Variants in GNL3 observed in about 807,000 individuals in gnomAD.
GNL3 encodes guanine nucleotide-binding protein-like 3.
Under a neutral mutation model 70.6 loss-of-function variants are expected in GNL3, and 77 were observed. That is an observed-to-expected ratio of 1.09 (90% confidence interval 0.91 to 1.32). GNL3 has a LOEUF of 1.32. Among genes scored for constraint, GNL3 ranks in the 40% most tolerant of loss-of-function variants. The probability of loss-of-function intolerance (pLI) is 0.00; values close to 1 mark genes in which losing one functional copy is unlikely to be tolerated. For synonymous variants in GNL3, 252 were observed against 216.1 expected (o/e 1.17, Z -1.46); for missense variants, 634 against 644.0 (o/e 0.98, Z 0.17).
Position 52,691,615 on chromosome 3 carries a change from C to CATGGGGCTT in GNL3, c.857_865dup (p.Met286_Leu288dup), listed in dbSNP as rs780595587. 1.3e-6 allele frequency: 2 copies of CATGGGGCTT among 1,567,822 alleles called. No individual in the cohort carries two copies. The highest frequency in any genetic ancestry group is 1.8e-6 in the Non-Finnish European group (2 of 1,138,180). The stretch of plus-strand genomic sequence containing the variant: ...AACAGATGTGTAATGTTGGTGTATC[C>CATGGGGCTT]ATGGGGCTTACAAGGTAAATGGAGG... On this transcript the variant is annotated inframe_insertion, in exon 9 of 15. Transcript: ENST00000418458.
At chr3:52,686,012 T>C (rs1436207401), upstream of GNL3, 5 of 798,508 alleles carry the variant, frequency 6.3e-6, no homozygotes, top group Non-Finnish European at 9.2e-6. Context: ...CGTAAGTGCG[T>C]GACGCTCGTC....
rs774245715 is a variant in GNL3, at chr3:52,688,140, C to A, written c.356C>A (p.Ala119Asp). 1.2e-6 allele frequency: 2 copies of A among 1,611,320 alleles called. No homozygotes were observed. The highest frequency in any genetic ancestry group is 2.2e-5 in the East Asian group (1 of 44,864). ...GGGCTTTGCAAAACTGAGAACAAAGCCAAGTCGGGCAAACAGAATTCAAAG... is the reference window on the plus strand; with the variant it reads ...GGGCTTTGCAAAACTGAGAACAAAGACAAGTCGGGCAAACAGAATTCAAAG... ...EFGLCKTENK[A>D]KSGKQNSKKL... The change falls in exon 5 of 15, where the codon GCC becomes GAC. Residue 119 changes from alanine (A) to aspartate (D), a missense_variant. Transcript: ENST00000418458.
At chr3:52,685,945 G>C (rs1287299280), upstream of GNL3, 2 of 718,238 alleles carry the variant, frequency 2.8e-6, no homozygotes, top group Non-Finnish European at 5.1e-6. Context: ...TCCCTGCTCC[G>C]CGCGACACTG....
intron 2 of GNL3, 181 bp downstream of exon 2, chr3:52,687,008 GTGA>G: frequency 1.6e-6 from 1 of 629,818 alleles, no homozygotes; most frequent in Non-Finnish European, 2.8e-6. Context: ...CAGTGATTTG[GTGA>G]TAAGTCTCTA....
At chr3:52,691,702 A>ATTTTTTT (rs34449110) in intron 9 of GNL3, 73 bp downstream of exon 9, 7 of 559,304 alleles carry the variant, frequency 1.3e-5, no homozygotes, top group Non-Finnish European at 2.2e-5. Context: ...AAGGAAGGTG[A>ATTTTTTT]TTTTTTTTTT....
chr3:52,688,251 T>A (rs1578573334), intron 5 of GNL3, 59 bp downstream of exon 5: 1 of 183,888 alleles, frequency 5.4e-6, no homozygotes, highest in South Asian at 3.8e-5. Context: ...ACTCAAGTCA[T>A]TTTTTTTTTA....
intron 9 of GNL3, 135 bp downstream of exon 9, chr3:52,691,764 G>A (rs1295807038): frequency 9.9e-6 from 6 of 608,676 alleles, no homozygotes; most frequent in African/African-American, 3.9e-5. Flanking sequence ...GGGCAATGGC[G>A]CAATCTCGGC....
chr3:52,690,484 T>G, intron 6 of GNL3, 108 bp from the exon 7 acceptor site: 1 of 672,532 alleles, frequency 1.5e-6, no homozygotes, highest in South Asian at 1.6e-5. Flanking sequence ...AGGATGGTCT[T>G]GATCTCCTGA....
chr3:52,686,396 C>G (rs994880341), intron 1 of GNL3: 15 of 582,730 alleles, frequency 2.6e-5, no homozygotes, highest in Non-Finnish European at 9.2e-6. Flanking sequence ...CCAATATTTT[C>G]TTTCCGTGGC....
At chr3:52,689,234 CTG>C in intron 6 of GNL3, 28 bp downstream of exon 6, 1 of 1,597,032 alleles carries the variant, frequency 6.3e-7, no homozygotes, top group Non-Finnish European at 8.6e-7. Flanking sequence ...CCTTTGTCTT[CTG>C]TGTACATGGG....
At position 52,687,572 on chromosome 3, in the gene GNL3, CT is replaced by C; in HGVS notation, c.282del (p.Asn95IlefsTer43). 6.2e-7 allele frequency: 1 copy of C among 1,611,766 alleles called. No homozygotes were observed. Among genetic ancestry groups the C allele is most frequent in the Non-Finnish European group, 8.5e-7 (1 of 1,177,804 alleles). Reference protein sequence around the residue: ...KELEKKRKLETNPDIKPSNVE... With the variant: ...KELEKKRKLEXNPDIKPSNVE... ...CTAGAAAAGAAAAGAAAACTTGAAA[CT>C]AATCCTGATATTAAGCCATCAAATG... is the stretch of plus-strand genomic sequence containing the variant. On this transcript the variant is annotated frameshift_variant, in exon 4 of 15. Transcript: ENST00000418458. LOFTEE classifies it high-confidence loss of function.
chr3:52,688,801 A>G (rs991346995), intron 5 of GNL3: 2 of 446,250 alleles, frequency 4.5e-6, no homozygotes, highest in Admixed American at 3.6e-5. Flanking sequence ...ATAATTCACT[A>G]TGGGAGGATT....
chr3:52,688,493 T>C (rs2097324364), intron 5 of GNL3, among the ~76,000 whole-genome samples: 2 of 152,176 alleles, frequency 1.3e-5, no homozygotes. Flanking sequence ...ACGGAAATAG[T>C]TTCTTTGGTT....
intron 1 of GNL3, 141 bp from the exon 2 acceptor site, chr3:52,686,628 G>T: frequency 1.5e-6 from 1 of 649,186 alleles, no homozygotes; most frequent in Non-Finnish European, 2.7e-6. Flanking sequence ...AAAGTAGCAC[G>T]TATGTTTGCA....
At chr3:52,689,285 G>A in intron 6 of GNL3, 79 bp downstream of exon 6, 1 of 1,301,918 alleles carries the variant, frequency 7.7e-7, no homozygotes, top group Non-Finnish European at 1.1e-6. Flanking sequence ...ACTGAAGACT[G>A]ATTAGATCCA....
In GNL3 at chr3:52,692,940, C is replaced by T; in HGVS notation, c.938C>T (p.Pro313Leu). 2.5e-6 allele frequency: 4 copies of T among 1,613,266 alleles called. No individual in the cohort carries two copies. The highest frequency in any genetic ancestry group is 3.4e-6 in the Non-Finnish European group (4 of 1,179,224). The change falls in exon 10 of 15, where the codon CCA (proline) becomes CTA (leucine). Residue 313 changes from proline to leucine, a missense_variant. Pro to Leu is a moderately conservative substitution (Grantham distance 98, BLOSUM62 -3). Transcript: ENST00000418458. ...IIDSPSFIVS[P>L]LNSSSALALR... Reference sequence around the variant, plus strand: ...GATAGTCCGAGCTTCATCGTATCTCCACTTAATTCCTCCTCTGCGCTTGCT... The same window carrying T: ...GATAGTCCGAGCTTCATCGTATCTCTACTTAATTCCTCCTCTGCGCTTGCT...
chr3:52,694,069 GAC>G lies in GNL3; in HGVS notation c.1535_1536del (p.Thr512ArgfsTer6). 6.2e-7 allele frequency: 1 copy of G among 1,614,018 alleles called. No homozygotes were observed. The highest frequency in any genetic ancestry group is 8.5e-7 in the Non-Finnish European group (1 of 1,179,870). ...GCTCAGGCATGTTTGCTGCAGAAGA[GAC>G]AGGGGAGGCACTGTCTGAGGAGACT... ...NSSGMFAAEETGEALSEETTA... is the reference protein window; with the variant it reads ...NSSGMFAAEEXGEALSEETTA... On this transcript the variant is annotated frameshift_variant, in exon 14 of 15. Coordinates refer to ENST00000418458, the MANE Select transcript of GNL3 (RefSeq NM_014366.5). LOFTEE classifies it low-confidence loss of function (END_TRUNC).
chr3:52,691,945 C>T (rs13076193), intron 9 of GNL3, among the ~76,000 whole-genome samples: 173 of 152,054 alleles, frequency 1.1e-3, no homozygotes, highest in African/African-American at 3.8e-3. Flanking sequence ...AGCTGATCTG[C>T]CCGCCTCGGC....
At chr3:52,687,214 T>G in intron 2 of GNL3, 32 bp from the exon 3 acceptor site, 1 of 1,572,022 alleles carries the variant, frequency 6.4e-7, no homozygotes, top group Non-Finnish European at 8.7e-7. Flanking sequence ...AAGATATTTT[T>G]GTAAGCAGAC....
Sources: gnomAD v4.1 joint callset for allele counts (sites outside exome capture counted in the v4.1 genomes callset) on GRCh38, gnomAD v4.1.1 for gene constraint, MANE v1.5 for transcripts, NCBI Gene and HGNC (gene_info 2026-07-23, HGNC 2026-07-21) for gene names.